DCC: variants seen among roughly 807,000 people sequenced by gnomAD.
The protein encoded by DCC is DCC netrin 1 receptor, also known as netrin receptor DCC.
In DCC, 58 loss-of-function variants were observed where a neutral mutation model predicts 172.5. That is an observed-to-expected ratio of 0.34 (90% CI 0.27 to 0.42). The LOEUF is 0.42. Ranked by LOEUF, DCC falls within the 10% of genes least tolerant of loss-of-function variation. DCC has a pLI of 1.00. For synonymous variants in DCC, 709 were observed against 644.5 expected, an observed-to-expected ratio of 1.10 and a Z score of -1.52; for missense variants, 1,740 against 1,791.0, an observed-to-expected ratio of 0.97 and a Z score of 0.51.
intron 7 of DCC, among the ~76,000 whole-genome samples, chr18:53,156,692 T>TA (rs1885157951): frequency 6.6e-6 from 1 of 152,166 alleles, no homozygotes; most frequent in Non-Finnish European, 1.5e-5. Flanking sequence ...TTAGAACTGT[T>TA]AAAAATGCCA....
chr18:52,825,056 G>T (rs2038486417), intron 2 of DCC, among the ~76,000 whole-genome samples: 1 of 152,154 alleles, frequency 6.6e-6, no homozygotes, highest in East Asian at 1.9e-4. Flanking sequence ...CAATCCTGAA[G>T]ATAAGCAAGA....
chr18:53,324,013 GT>G (rs1368703175), intron 14 of DCC, among the ~76,000 whole-genome samples: 1 of 152,078 alleles, frequency 6.6e-6, no homozygotes, highest in African/African-American at 2.4e-5. Flanking sequence ...AACTTACTTT[GT>G]TTTAAGCAAG....
At chr18:52,883,040 A>C (rs1225439101) in intron 2 of DCC, among the ~76,000 whole-genome samples, 1 of 152,058 alleles carries the variant, frequency 6.6e-6, no homozygotes, top group Non-Finnish European at 1.5e-5. Context: ...TTGGTCTTTA[A>C]GTGTATTTTG....
chr18:53,021,780 A>C (rs2041885076), intron 5 of DCC, among the ~76,000 whole-genome samples: 1 of 152,204 alleles, frequency 6.6e-6, no homozygotes, highest in South Asian at 2.1e-4. Flanking sequence ...CTGGCCTAAT[A>C]AGAAAAATAA....
At chr18:52,932,929 C>A (rs1000425091) in intron 5 of DCC, among the ~76,000 whole-genome samples, 2 of 151,742 alleles carry the variant, frequency 1.3e-5, no homozygotes, top group Non-Finnish European at 2.9e-5. Context: ...TCTGATTCTG[C>A]AAATAGATAA....
intron 27 of DCC, among the ~76,000 whole-genome samples, chr18:53,514,145 T>C (rs943841282): frequency 2.0e-5 from 3 of 152,016 alleles, no homozygotes; most frequent in Non-Finnish European, 4.4e-5. Context: ...GGATTAAGAA[T>C]CTCACTCAAA....
At chr18:52,551,553 A>G (rs1568225386) in intron 1 of DCC, among the ~76,000 whole-genome samples, 1 of 152,066 alleles carries the variant, frequency 6.6e-6, no homozygotes, top group Non-Finnish European at 1.5e-5. Context: ...TAAGACAATG[A>G]TCCAGAAGTT....
intron 1 of DCC, among the ~76,000 whole-genome samples, chr18:52,722,038 A>C (rs1307416395): frequency 1.3e-5 from 2 of 152,168 alleles, no homozygotes; most frequent in African/African-American, 4.8e-5. Flanking sequence ...AAATTTATAA[A>C]ATAAATAAAT....
intron 25 of DCC, among the ~76,000 whole-genome samples, chr18:53,475,960 TC>T (rs2045757196): frequency 1.3e-5 from 2 of 152,174 alleles, no homozygotes; most frequent in African/African-American, 4.8e-5. Flanking sequence ...ACCTCTTGCA[TC>T]AGTGTGACCT....
intron 13 of DCC, among the ~76,000 whole-genome samples, 177 bp from the exon 14 acceptor site, chr18:53,321,870 T>C (rs565227737): frequency 6.6e-6 from 1 of 152,376 alleles, no homozygotes; most frequent in East Asian, 1.9e-4. Context: ...AAAATTAATT[T>C]GATTTCTTGC....
chr18:53,494,087 C>G (rs562816140), intron 26 of DCC, among the ~76,000 whole-genome samples: 39 of 152,208 alleles, frequency 2.6e-4, no homozygotes, highest in African/African-American at 9.4e-4. Context: ...GTTATTTACC[C>G]AGTAGTCATT....
At chr18:53,506,859 C>CAAA (rs34848744) in intron 27 of DCC, among the ~76,000 whole-genome samples, 30 of 133,380 alleles carry the variant, frequency 2.2e-4, no homozygotes, top group African/African-American at 8.0e-4. Context: ...GACTCCATCT[C>CAAA]AAAAAAAAAA....
intron 5 of DCC, among the ~76,000 whole-genome samples, chr18:52,980,982 G>T (rs1162302432): frequency 6.7e-6 from 1 of 149,726 alleles, no homozygotes; most frequent in African/African-American, 2.5e-5. Flanking sequence ...AATAATGCCA[G>T]GAAGGTATAT....
chr18:52,829,852 T>C (rs868749634), intron 2 of DCC, among the ~76,000 whole-genome samples: 1 of 152,118 alleles, frequency 6.6e-6, no homozygotes, highest in Non-Finnish European at 1.5e-5. Flanking sequence ...AGCAATTCTA[T>C]TACATTAAAA....
intron 2 of DCC, among the ~76,000 whole-genome samples, chr18:52,781,568 G>T (rs2037544398): frequency 6.6e-6 from 1 of 152,042 alleles, no homozygotes; most frequent in Admixed American, 6.6e-5. Context: ...CTCTAACATT[G>T]TATTAATATA....
At chr18:52,391,416 C>T (rs566602605) in intron 1 of DCC, among the ~76,000 whole-genome samples, 1 of 152,212 alleles carries the variant, frequency 6.6e-6, no homozygotes, top group East Asian at 1.9e-4. Flanking sequence ...GTTTTGCATC[C>T]TCTAACTGAA....
At chr18:52,573,286 T>G (rs941984593) in intron 1 of DCC, among the ~76,000 whole-genome samples, 4 of 152,172 alleles carry the variant, frequency 2.6e-5, no homozygotes, top group African/African-American at 9.7e-5. Flanking sequence ...TACTTCTCTA[T>G]CCTATGGATA....
chr18:52,400,982 T>C (rs1228488523), intron 1 of DCC, among the ~76,000 whole-genome samples: 1 of 151,908 alleles, frequency 6.6e-6, no homozygotes, highest in Admixed American at 6.6e-5. Context: ...TTAGGAGAAA[T>C]ACCTAATGTA....
intron 2 of DCC, among the ~76,000 whole-genome samples, chr18:52,758,525 G>A (rs1460175128): frequency 3.3e-5 from 5 of 152,082 alleles, no homozygotes; most frequent in African/African-American, 1.2e-4. Context: ...TACTTGAGGA[G>A]TTGTTTCAGT....
Sources: allele counts gnomAD v4.1 joint callset (sites outside exome capture counted in the v4.1 genomes callset), GRCh38; gene constraint gnomAD v4.1.1; transcripts MANE v1.5; gene names NCBI Gene and HGNC (gene_info 2026-07-23, HGNC 2026-07-21).